The following TMTC1 variants were observed in gnomAD, a reference collection of about 807,000 sequenced individuals.
The protein encoded by TMTC1 is protein O-mannosyl-transferase TMTC1.
Under a neutral mutation model 104.8 loss-of-function variants are expected in TMTC1, and 73 were observed. The observed-to-expected ratio is 0.70, with a 90% CI of 0.58 to 0.85. The LOEUF (loss-of-function observed/expected upper bound fraction) is 0.85, where lower values mean the gene tolerates loss of function less well. Among genes scored for constraint, TMTC1 ranks in the 40% least tolerant of loss-of-function variants. The pLI, the probability that TMTC1 is intolerant of heterozygous loss-of-function variation, is 0.00. For missense variants in TMTC1, 1,035 were observed against 1,096.1 expected, an observed-to-expected ratio of 0.94 and a Z score of 0.79; for synonymous variants, 434 against 428.7, an observed-to-expected ratio of 1.01 and a Z score of -0.15.
chr12:29,757,003 G>T (rs1342742983), intron 3 of TMTC1, among the ~76,000 whole-genome samples: 2 of 152,128 alleles, frequency 1.3e-5, no homozygotes, highest in Non-Finnish European at 2.9e-5. Flanking sequence ...TAGAGAACAA[G>T]TTTAAACTCC....
At chr12:29,767,043 G>A (rs1427729410) in intron 2 of TMTC1, among the ~76,000 whole-genome samples, 1 of 151,484 alleles carries the variant, frequency 6.6e-6, no homozygotes, top group East Asian at 1.9e-4. Flanking sequence ...TCCACCTCCT[G>A]GGTTCAAGTG....
chr12:29,759,451 C>T (rs189769628), intron 2 of TMTC1, among the ~76,000 whole-genome samples: 1 of 152,146 alleles, frequency 6.6e-6, no homozygotes, highest in Non-Finnish European at 1.5e-5. Flanking sequence ...GAGCTGTGAT[C>T]GTGCCACTGC....
chr12:29,628,387 G>T (rs775658991), intron 6 of TMTC1, among the ~76,000 whole-genome samples: 3 of 152,112 alleles, frequency 2.0e-5, no homozygotes, highest in African/African-American at 7.2e-5. Flanking sequence ...TATTACTCCT[G>T]TAAACAAAAA....
intron 5 of TMTC1, among the ~76,000 whole-genome samples, chr12:29,723,870 C>T (rs1313267355): frequency 6.6e-6 from 1 of 151,622 alleles, no homozygotes; most frequent in Admixed American, 6.6e-5. Flanking sequence ...ATATGGATAA[C>T]AAGAAAGAAA....
rs887580158 is a variant in TMTC1, at chr12:29,533,890, G to T, written c.1785+2319C>A. ...CCTTTCATCCAGCTTCTGAAAAACTGCCTGCAAAATGGCTGATTTCAGCTG... is the reference window on the plus strand; with the variant it reads ...CCTTTCATCCAGCTTCTGAAAAACTTCCTGCAAAATGGCTGATTTCAGCTG... On this transcript the variant is annotated intron_variant, in intron 11 of 17. Transcript: ENST00000539277. The T allele has an allele frequency of 5.3e-5, 8 of 152,296 alleles. No individual in the cohort carries two copies. The Middle Eastern group carries it at 0.01, about 194-fold the overall frequency. 9.4% of individuals were successfully genotyped at this position (152,296 alleles called of 1,614,324 possible).
At chr12:29,512,146 G>T (rs767282233) in intron 16 of TMTC1, 26 bp from the exon 17 acceptor site, 2 of 1,573,838 alleles carry the variant, frequency 1.3e-6, no homozygotes, top group South Asian at 2.3e-5. Context: ...ATATCCTCAG[G>T]TTAGGAAACA....
chr12:29,569,366 C>A (rs1004711214), intron 9 of TMTC1, among the ~76,000 whole-genome samples: 6 of 152,180 alleles, frequency 3.9e-5, no homozygotes, highest in African/African-American at 1.4e-4. Flanking sequence ...CCTTTGAGAT[C>A]TATTCAGTCA....
intron 10 of TMTC1, among the ~76,000 whole-genome samples, chr12:29,540,766 A>G (rs1944774057): frequency 6.6e-6 from 1 of 152,090 alleles, no homozygotes; most frequent in Admixed American, 6.6e-5. Context: ...AGGCCGAGGC[A>G]GGTGGATCAT....
chr12:29,613,231 G>A (rs1277550958), intron 6 of TMTC1, among the ~76,000 whole-genome samples: 2 of 152,154 alleles, frequency 1.3e-5, no homozygotes, highest in Non-Finnish European at 2.9e-5. Context: ...CTAACCTAGT[G>A]GAGTGACTCA....
intron 5 of TMTC1, among the ~76,000 whole-genome samples, chr12:29,734,821 G>A (rs948877703): frequency 2.4e-4 from 37 of 152,134 alleles, no homozygotes; most frequent in African/African-American, 7.2e-4. Flanking sequence ...TGACTCCTTC[G>A]GCTTCAAGAC....
chr12:29,774,217 T>C (rs1943657379), intron 1 of TMTC1, among the ~76,000 whole-genome samples: 1 of 152,152 alleles, frequency 6.6e-6, no homozygotes. Flanking sequence ...GCTACAATTG[T>C]TGATTCTCCG....
At chr12:29,638,132 C>G (rs1266567049) in intron 5 of TMTC1, among the ~76,000 whole-genome samples, 1 of 152,082 alleles carries the variant, frequency 6.6e-6, no homozygotes, top group Non-Finnish European at 1.5e-5. Context: ...GCTCACGGAC[C>G]TAAGTGAGAA....
intron 8 of TMTC1, among the ~76,000 whole-genome samples, chr12:29,572,477 T>G (rs1945706585): frequency 6.6e-6 from 1 of 152,194 alleles, no homozygotes; most frequent in Non-Finnish European, 1.5e-5. Context: ...CAAAATGCCC[T>G]TAGCATATAA....
Position 29,505,153 on chromosome 12 carries a change from T to C in TMTC1, c.*1693A>G, listed in dbSNP as rs918749416. On this transcript the variant is annotated 3_prime_UTR_variant, in exon 18 of 18. Coordinates refer to ENST00000539277, the MANE Select transcript of TMTC1 (RefSeq NM_001193451.2). The stretch of plus-strand genomic sequence containing the variant: ...TCGCCATGCCTTCCGAAGAAGTTTT[T>C]CTTGTTTATTTAGACTTACCTTGAC... 6.6e-6 allele frequency: 1 copy of C among 152,220 alleles called. No homozygotes were observed. Among genetic ancestry groups the C allele is most frequent in the Non-Finnish European group, 1.5e-5 (1 of 68,026 alleles). The allele number at this position is 152,220 out of a possible 1,614,324, so 9.4% of individuals were successfully genotyped here.
intron 9 of TMTC1, among the ~76,000 whole-genome samples, chr12:29,570,445 T>G (rs1164502516): frequency 6.6e-6 from 1 of 152,228 alleles, no homozygotes; most frequent in East Asian, 1.9e-4. Context: ...AATATAAAAC[T>G]TCTTCAACAA....
intron 16 of TMTC1, among the ~76,000 whole-genome samples, chr12:29,512,603 C>T (rs776870311): frequency 2.0e-5 from 3 of 152,096 alleles, no homozygotes; most frequent in Non-Finnish European, 2.9e-5. Context: ...AGTGGATCAC[C>T]GCCTCTTTAA....
chr12:29,618,536 T>C (rs1041794289), intron 6 of TMTC1, among the ~76,000 whole-genome samples: 1 of 151,952 alleles, frequency 6.6e-6, no homozygotes, highest in Non-Finnish European at 1.5e-5. Context: ...AATGTACATG[T>C]AAAAATAAGG....
At chr12:29,732,826 C>A (rs895673787) in intron 5 of TMTC1, among the ~76,000 whole-genome samples, 5 of 152,116 alleles carry the variant, frequency 3.3e-5, no homozygotes, top group Non-Finnish European at 7.3e-5. Flanking sequence ...GGCCACTCCC[C>A]ACATCCCCTT....
chr12:29,576,610 A>G (rs1945830158), intron 8 of TMTC1, among the ~76,000 whole-genome samples: 1 of 152,190 alleles, frequency 6.6e-6, no homozygotes, highest in African/African-American at 2.4e-5. Flanking sequence ...GAATAGAATA[A>G]TGGTTAGTAG....
Sources: gnomAD v4.1 joint callset for allele counts (sites outside exome capture counted in the v4.1 genomes callset) on GRCh38, gnomAD v4.1.1 for gene constraint, MANE v1.5 for transcripts, NCBI Gene and HGNC (gene_info 2026-07-23, HGNC 2026-07-21) for gene names.